WDR25: variants seen among roughly 807,000 people sequenced by gnomAD.
WDR25 encodes the protein WD repeat-containing protein 25.
Under a neutral mutation model 47.7 loss-of-function variants are expected in WDR25, and 35 were observed. That is an observed-to-expected ratio of 0.73 (90% CI 0.56 to 0.97). The LOEUF is 0.97. Among genes scored for constraint, WDR25 ranks in the 50% least tolerant of loss-of-function variants. The pLI, the probability that WDR25 is intolerant of heterozygous loss-of-function variation, is 0.00. For missense variants in WDR25, 634 were observed against 704.7 expected (o/e 0.90, Z 1.14); for synonymous variants, 248 against 278.9 (o/e 0.89, Z 1.10).
intron 2 of WDR25, among the ~76,000 whole-genome samples, chr14:100,445,569 G>GCAGC (rs1357262321): frequency 5.9e-5 from 9 of 152,212 alleles, no homozygotes; most frequent in Non-Finnish European, 1.5e-5. Flanking sequence ...AAGACCTGCT[G>GCAGC]CAGCCATGTG....
intron 2 of WDR25, among the ~76,000 whole-genome samples, chr14:100,423,868 G>A: frequency 6.6e-6 from 1 of 152,166 alleles, no homozygotes; most frequent in East Asian, 1.9e-4. Context: ...ACATCTTGAG[G>A]GGCTACTTTT....
chr14:100,427,041 CG>C (rs763229409), intron 2 of WDR25, among the ~76,000 whole-genome samples: 16 of 152,258 alleles, frequency 1.1e-4, no homozygotes, highest in African/African-American at 3.4e-4. Flanking sequence ...GATAAAAGCC[CG>C]GTCCATCAAT....
chr14:100,498,591 AC>A lies in WDR25; in HGVS notation c.1101+14469del, dbSNP rs1221796857. Among the ~76,000 whole-genome samples the A allele has an allele frequency of 2.6e-5, 4 of 152,090 alleles. No individual in the cohort carries two copies. The highest frequency in any genetic ancestry group is 2.1e-4 in the South Asian group (1 of 4,820). On this transcript the variant is annotated intron_variant, in intron 4 of 6. Transcript: ENST00000402312. The surrounding 1 kb of genome is among the most constrained non-coding windows in gnomAD (Gnocchi z 4.2). ...AAATGTCTCTTGCCCTGCTGCTGGC[AC>A]CACCTCCACCCAGTTGGTGGCCCAG...
At position 100,502,704 on chromosome 14, in the gene WDR25, C is replaced by G. The variant is rs759701682; in HGVS notation, c.1101+18580C>G. Among the ~76,000 whole-genome samples, 1 of 152,182 alleles carries G rather than the reference C, an allele frequency of 6.6e-6. No homozygotes were observed. The highest frequency in any genetic ancestry group is 2.4e-5 in the African/African-American group (1 of 41,444). On this transcript the variant is annotated intron_variant, in intron 4 of 6. Coordinates refer to ENST00000402312, the MANE Select transcript of WDR25 (RefSeq NM_001161476.3). This position sits in a 1 kb window ranked among gnomAD's most constrained non-coding sequence, Gnocchi z 4.5. ...AGGAGTCAGTCTCCACAGAGTACAT[C>G]GTGATGGGAACTGCTTGGGGGCTAA...
intron 2 of WDR25, among the ~76,000 whole-genome samples, chr14:100,433,606 A>G (rs546802252): frequency 1.3e-5 from 2 of 152,328 alleles, no homozygotes; most frequent in South Asian, 2.1e-4. Flanking sequence ...GTCAGTCCCT[A>G]TGATCACGCT....
At chr14:100,522,669 G>A (rs1184156869) in intron 4 of WDR25, among the ~76,000 whole-genome samples, 1 of 152,240 alleles carries the variant, frequency 6.6e-6, no homozygotes, top group Non-Finnish European at 1.5e-5. Context: ...TAGTTCCTCA[G>A]CTGGAGGTCC....
At position 100,530,238 on chromosome 14, in the gene WDR25, G is replaced by A. The variant is rs186165868; in HGVS notation, c.*197G>A. Reference sequence around the variant, plus strand: ...GTGTGAGGACTACACTAGTGAAAGCGCCTGGCGGGCAGCCGGCGATGCCCA... The same window carrying A: ...GTGTGAGGACTACACTAGTGAAAGCACCTGGCGGGCAGCCGGCGATGCCCA... On this transcript the variant is annotated 3_prime_UTR_variant, in exon 7 of 7. Coordinates refer to ENST00000402312, the MANE Select transcript of WDR25 (RefSeq NM_001161476.3). 9.2e-4 allele frequency: 537 copies of A among 586,096 alleles called. 4 individuals carry two copies. The East Asian group carries it at 0.014, about 15-fold the overall frequency. The allele number at this position is 586,096 out of a possible 1,614,324, so 36.3% of individuals were successfully genotyped here.
Position 100,381,427 on chromosome 14 carries a change from A to C in WDR25, c.503A>C (p.Lys168Thr). ...AATGGCAGCTCTTTTCAGAAGAAAA[A>C]ATGTGAGGACTGTGTGGTACCCTAT... ...GKNGSSFQKK[K>T]CEDCVVPYTP... The change falls in exon 2 of 7, where the codon AAA (lysine) becomes ACA (threonine). Residue 168 changes from lysine to threonine, a missense_variant. Transcript: ENST00000402312. 6.2e-7 allele frequency: 1 copy of C among 1,614,196 alleles called. No homozygotes were observed. The highest frequency in any genetic ancestry group is 8.5e-7 in the Non-Finnish European group (1 of 1,180,030).
At position 100,468,624 on chromosome 14, in the gene WDR25, G is replaced by T. The variant is rs1326483304; in HGVS notation, c.970+456G>T. 2.0e-5 allele frequency among the ~76,000 whole-genome samples: 3 copies of T among 152,186 alleles called. No individual in the cohort carries two copies. Among genetic ancestry groups the T allele is most frequent in the Non-Finnish European group, 4.4e-5 (3 of 68,028 alleles). On this transcript the variant is annotated intron_variant, in intron 3 of 6. Transcript: ENST00000402312. This position sits in a 1 kb window ranked among gnomAD's most constrained non-coding sequence, Gnocchi z 4.5. ...CTGCTTTAATGCCCACACTGAAAAG[G>T]CACTTGGGTAGGATGGATTCGTGCC...
At chr14:100,511,376 A>G (rs1901304930) in intron 4 of WDR25, among the ~76,000 whole-genome samples, 1 of 152,160 alleles carries the variant, frequency 6.6e-6, no homozygotes, top group South Asian at 2.1e-4. Context: ...TTCACCTTGA[A>G]TTCTGTAACT....
Position 100,499,289 on chromosome 14 carries a change from T to C in WDR25, c.1101+15165T>C, listed in dbSNP as rs1439479351. ...ATTTCCCATATTGTTAAAAGGTTTT[T>C]GGATGCTATAATTTTTAATAATTAC... On this transcript the variant is annotated intron_variant, in intron 4 of 6. Coordinates refer to ENST00000402312, the MANE Select transcript of WDR25 (RefSeq NM_001161476.3). The surrounding 1 kb of genome is among the most constrained non-coding windows in gnomAD (Gnocchi z 4.4). Among the ~76,000 whole-genome samples the C allele has an allele frequency of 6.6e-6, 1 of 152,224 alleles. No individual in the cohort carries two copies. Among genetic ancestry groups the C allele is most frequent in the Non-Finnish European group, 1.5e-5 (1 of 68,028 alleles).
chr14:100,514,349 G>A lies in WDR25; in HGVS notation c.1102-11521G>A, dbSNP rs560989675. ...AACCTGTCTAACAATCTCTTCTTTCGAACTAGGTTATTTGTCCTGTTTTAA... is the reference window on the plus strand; with the variant it reads ...AACCTGTCTAACAATCTCTTCTTTCAAACTAGGTTATTTGTCCTGTTTTAA... On this transcript the variant is annotated intron_variant, in intron 4 of 6. Transcript: ENST00000402312. Among the ~76,000 whole-genome samples, 19 of 152,036 alleles carry A rather than the reference G, an allele frequency of 1.2e-4. 1 individual carries two copies. Among genetic ancestry groups the A allele is most frequent in the African/African-American group, 3.1e-4 (13 of 41,498 alleles).
At chr14:100,486,212 T>C (rs906764808) in intron 4 of WDR25, among the ~76,000 whole-genome samples, 3 of 152,168 alleles carry the variant, frequency 2.0e-5, no homozygotes, top group Non-Finnish European at 4.4e-5. Context: ...CCCTTATGGG[T>C]GCGCTTACTG....
intron 3 of WDR25, among the ~76,000 whole-genome samples, chr14:100,471,343 G>A (rs934764832): frequency 1.3e-5 from 2 of 152,114 alleles, no homozygotes; most frequent in Non-Finnish European, 2.9e-5. Flanking sequence ...AGCCCATCAG[G>A]GACTGCCAGG....
chr14:100,385,510 C>T (rs960257255), intron 2 of WDR25, among the ~76,000 whole-genome samples: 2 of 152,154 alleles, frequency 1.3e-5, no homozygotes, highest in Admixed American at 6.5e-5. Flanking sequence ...AACGTAGCTT[C>T]GGAATTCATA....
intron 2 of WDR25, among the ~76,000 whole-genome samples, chr14:100,391,390 G>A (rs1206254084): frequency 1.3e-5 from 2 of 152,138 alleles, no homozygotes; most frequent in East Asian, 1.9e-4. Context: ...GCGGTCCCCG[G>A]CAGCCAGCTT....
chr14:100,486,851 T>A (rs1413704078), intron 4 of WDR25, among the ~76,000 whole-genome samples: 1 of 151,976 alleles, frequency 6.6e-6, no homozygotes, highest in Non-Finnish European at 1.5e-5. Flanking sequence ...TTAAATACAG[T>A]AGGGAAGGAA....
At chr14:100,412,175 C>G (rs895055725) in intron 2 of WDR25, among the ~76,000 whole-genome samples, 1 of 148,602 alleles carries the variant, frequency 6.7e-6, no homozygotes, top group Non-Finnish European at 1.5e-5. Flanking sequence ...CCATCGCACT[C>G]CAGCCTGGGT....
Position 100,529,386 on chromosome 14 carries a change from G to A in WDR25, c.1413+178G>A. On this transcript the variant is annotated intron_variant, in intron 6 of 6. Transcript: ENST00000402312. This position sits in a 1 kb window ranked among gnomAD's most constrained non-coding sequence, Gnocchi z 5.1. The stretch of plus-strand genomic sequence containing the variant: ...CTCTTCAAGTCCCTGAACCACATCT[G>A]GTCCTCACCCCAGGCCCCACGTACT... The A allele has an allele frequency of 1.1e-6, 1 of 948,010 alleles. No individual in the cohort carries two copies. Among genetic ancestry groups the A allele is most frequent in the Non-Finnish European group, 1.6e-6 (1 of 644,898 alleles). 58.7% of individuals were successfully genotyped at this position (948,010 alleles called of 1,614,324 possible).
Sources: gnomAD v4.1 joint callset for allele counts (sites outside exome capture counted in the v4.1 genomes callset) on GRCh38, gnomAD v4.1.1 for gene constraint, Gnocchi (gnomAD v3.1) non-coding constraint, MANE v1.5 for transcripts, NCBI Gene and HGNC (gene_info 2026-07-23, HGNC 2026-07-21) for gene names.